DPF3: variants seen among roughly 807,000 people sequenced by gnomAD.
DPF3 encodes zinc finger protein DPF3.
DPF3 carries 18 observed loss-of-function variants against 56.8 expected under a neutral mutation model. The ratio of observed to expected loss-of-function variants is 0.32; its 90% CI spans 0.22 to 0.47. The LOEUF is 0.47. DPF3 is among the 20% of genes least tolerant of loss of function. The pLI, the probability that DPF3 is intolerant of heterozygous loss-of-function variation, is 1.00. For missense variants in DPF3, 403 were observed against 488.8 expected (o/e 0.82, Z 1.65); for synonymous variants, 188 against 180.2 (o/e 1.04, Z -0.35).
intron 8 of DPF3, among the ~76,000 whole-genome samples, chr14:72,652,141 G>A (rs930835581): frequency 6.6e-6 from 1 of 152,216 alleles, no homozygotes; most frequent in Non-Finnish European, 1.5e-5. Context: ...GGGGTAACGT[G>A]GAATTGACTC....
intron 8 of DPF3, among the ~76,000 whole-genome samples, chr14:72,632,174 G>T (rs942680556): frequency 2.0e-5 from 3 of 152,182 alleles, no homozygotes; most frequent in Admixed American, 1.3e-4. Flanking sequence ...CAGTAAGTGG[G>T]TCACATTTTG....
At chr14:72,884,971 T>TATATATATACATATATATA (rs10523148) in intron 1 of DPF3, among the ~76,000 whole-genome samples, 2 of 111,690 alleles carry the variant, frequency 1.8e-5, no homozygotes, top group Admixed American at 9.8e-5. Flanking sequence ...TATATATATA[T>TATATATATACATATATATA]TAGCCGGGCG....
intron 1 of DPF3, among the ~76,000 whole-genome samples, chr14:72,857,465 G>T (rs950786090): frequency 7.2e-5 from 11 of 152,142 alleles, no homozygotes; most frequent in African/African-American, 2.7e-4. Context: ...AATCCCCGAA[G>T]ATTAAGAAAA....
intron 1 of DPF3, among the ~76,000 whole-genome samples, chr14:72,852,258 T>C (rs975056095): frequency 5.9e-5 from 9 of 151,664 alleles, no homozygotes; most frequent in African/African-American, 2.2e-4. Flanking sequence ...GACCACGGAG[T>C]GAAAAAAGTT....
intron 5 of DPF3, among the ~76,000 whole-genome samples, chr14:72,719,315 G>A (rs765449179): frequency 2.6e-5 from 4 of 151,634 alleles, no homozygotes; most frequent in African/African-American, 4.9e-5. Flanking sequence ...CTCCCACCTC[G>A]GCTTCCCAAA....
intron 6 of DPF3, among the ~76,000 whole-genome samples, chr14:72,705,604 G>C (rs8008750): frequency 0.27 from 40,794 of 152,000 alleles, 7,447 homozygotes; most frequent in Non-Finnish European, 0.41. Flanking sequence ...CAGCAACCCT[G>C]GTCTAACTCT....
At chr14:72,696,592 G>A (rs976977466) in intron 6 of DPF3, among the ~76,000 whole-genome samples, 2 of 152,202 alleles carry the variant, frequency 1.3e-5, no homozygotes, top group African/African-American at 2.4e-5. Flanking sequence ...GGAGATGGGC[G>A]AAGAGGCAAA....
At chr14:72,687,593 G>A (rs1236240576) in intron 7 of DPF3, among the ~76,000 whole-genome samples, 2 of 152,074 alleles carry the variant, frequency 1.3e-5, no homozygotes, top group Non-Finnish European at 2.9e-5. Context: ...ATTACTATCA[G>A]ACCCAAAGAC....
At chr14:72,864,766 T>A (rs1320725193) in intron 1 of DPF3, among the ~76,000 whole-genome samples, 1 of 152,222 alleles carries the variant, frequency 6.6e-6, no homozygotes, top group Non-Finnish European at 1.5e-5. Context: ...AACTGTGCAA[T>A]GCCTTTCCTG....
chr14:72,881,552 G>A (rs534139111), intron 1 of DPF3, among the ~76,000 whole-genome samples: 1 of 152,230 alleles, frequency 6.6e-6, no homozygotes, highest in Non-Finnish European at 1.5e-5. Context: ...AGGAAAAGGG[G>A]CAAATAAATA....
chr14:72,873,250 C>A (rs1301685893), intron 1 of DPF3, among the ~76,000 whole-genome samples: 8 of 152,242 alleles, frequency 5.3e-5, no homozygotes, highest in Non-Finnish European at 8.8e-5. Flanking sequence ...ACCCCATCAA[C>A]AAGTGGGCGA....
chr14:72,693,013 GA>G, intron 7 of DPF3, 62 bp downstream of exon 7: 1 of 1,597,894 alleles, frequency 6.3e-7, no homozygotes, highest in Non-Finnish European at 8.5e-7. Context: ...AAGGAACAAG[GA>G]ACGCTCCCCA....
chr14:72,848,859 TC>T (rs1304402561), intron 1 of DPF3, among the ~76,000 whole-genome samples: 1 of 152,196 alleles, frequency 6.6e-6, no homozygotes, highest in Non-Finnish European at 1.5e-5. Context: ...TTGGGCTTAA[TC>T]AAAAGTTAGC....
intron 1 of DPF3, among the ~76,000 whole-genome samples, chr14:72,866,229 A>G (rs1298606715): frequency 2.0e-5 from 3 of 151,082 alleles, no homozygotes; most frequent in Non-Finnish European, 4.4e-5. Context: ...TCTTCCACAG[A>G]CTGAGGTCAC....
At chr14:72,671,098 G>C (rs776544018) in intron 8 of DPF3, 3 of 1,609,058 alleles carry the variant, frequency 1.9e-6, no homozygotes, top group African/African-American at 2.7e-5. Flanking sequence ...AAAGTCAGAG[G>C]GGGATGGCTA....
Position 72,612,993 on chromosome 14 carries a change from C to CGTGTGT in DPF3, c.*6298_*6303dup, listed in dbSNP as rs59321921. On this transcript the variant is annotated 3_prime_UTR_variant, in exon 11 of 11. Coordinates refer to ENST00000556509, the MANE Select transcript of DPF3 (RefSeq NM_001280542.3). ...TTTCCCTTTGGTTCATTAAGTAGGGCGTGTGTGTGTGTGTGTGTGTGTGTG... is the reference window on the plus strand; with the variant it reads ...TTTCCCTTTGGTTCATTAAGTAGGGCGTGTGTGTGTGTGTGTGTGTGTGTGTGTGTG... 0.21 allele frequency among the ~76,000 whole-genome samples: 31,612 copies of CGTGTGT among 148,676 alleles called. 3,796 individuals carry two copies. Among genetic ancestry groups the CGTGTGT allele is most frequent in the Admixed American group, 0.3 (4,448 of 15,034 alleles).
Position 72,879,667 on chromosome 14 carries a change from G to A in DPF3, c.32+14390C>T, listed in dbSNP as rs187078732. On this transcript the variant is annotated intron_variant, in intron 1 of 10. Coordinates refer to ENST00000556509, the MANE Select transcript of DPF3 (RefSeq NM_001280542.3). ...TCAAACCGCCTGCCCAGAGGAAACC[G>A]CCTGCCCAGAGGAGCCACAAGCAGT... is the stretch of plus-strand genomic sequence containing the variant. 53 of 1,098,844 alleles carry A rather than the reference G, an allele frequency of 4.8e-5. No homozygotes were observed. In the East Asian group the frequency reaches 7.5e-4, roughly 16 times the overall value. 68.1% of individuals were successfully genotyped at this position (1,098,844 alleles called of 1,614,324 possible).
intron 7 of DPF3, among the ~76,000 whole-genome samples, chr14:72,691,096 C>T (rs895956822): frequency 2.0e-5 from 3 of 152,194 alleles, no homozygotes; most frequent in African/African-American, 7.2e-5. Context: ...AGTGTTGGAG[C>T]TCCTCAGGCC....
At chr14:72,882,442 C>T (rs1445342866) in intron 1 of DPF3, among the ~76,000 whole-genome samples, 1 of 152,186 alleles carries the variant, frequency 6.6e-6, no homozygotes, top group Non-Finnish European at 1.5e-5. Context: ...GGAAACCCTC[C>T]AGTTCTTCCT....
Sources: gnomAD v4.1 joint callset for allele counts (sites outside exome capture counted in the v4.1 genomes callset) on GRCh38, gnomAD v4.1.1 for gene constraint, MANE v1.5 for transcripts, NCBI Gene and HGNC (gene_info 2026-07-23, HGNC 2026-07-21) for gene names.